ZNF365: variants seen among roughly 807,000 people sequenced by gnomAD.
The protein encoded by ZNF365 is protein ZNF365.
Under a neutral mutation model 35.0 loss-of-function variants are expected in ZNF365, and 22 were observed. That is an observed-to-expected ratio of 0.63 (90% CI 0.45 to 0.90). The LOEUF (loss-of-function observed/expected upper bound fraction) is 0.90, where lower values mean the gene tolerates loss of function less well. Among genes scored for constraint, ZNF365 ranks in the 40% least tolerant of loss-of-function variants. The probability of loss-of-function intolerance (pLI) is 0.00; values close to 1 mark genes in which losing one functional copy is unlikely to be tolerated. For synonymous variants in ZNF365, 188 were observed against 196.2 expected, an observed-to-expected ratio of 0.96 and a Z score of 0.35; for missense variants, 448 against 500.3, an observed-to-expected ratio of 0.90 and a Z score of 1.00.
downstream of ZNF365, among the ~76,000 whole-genome samples, chr10:62,406,370 G>T (rs560218158): frequency 2.0e-5 from 3 of 152,214 alleles, no homozygotes; most frequent in Non-Finnish European, 4.4e-5. Context: ...TTCCTTGTAG[G>T]ACTGATTCTA....
chr10:62,445,074 T>C (rs1464115240), intron 3 of ZNF365, among the ~76,000 whole-genome samples: 1 of 151,684 alleles, frequency 6.6e-6, no homozygotes, highest in Non-Finnish European at 1.5e-5. Flanking sequence ...TGATTTCCAA[T>C]TTCATCCATG....
chr10:62,464,214 T>C (rs1840895037), intron 4 of ZNF365, among the ~76,000 whole-genome samples: 1 of 152,226 alleles, frequency 6.6e-6, no homozygotes, highest in Non-Finnish European at 1.5e-5. Context: ...TCTTCCTGCC[T>C]TGCTAATTCT....
chr10:62,451,439 C>T (rs1259540952), intron 3 of ZNF365, among the ~76,000 whole-genome samples: 1 of 152,034 alleles, frequency 6.6e-6, no homozygotes, highest in African/African-American at 2.4e-5. Flanking sequence ...CCTGGTGTGA[C>T]TTGTTCTGTG....
intron 3 of ZNF365, among the ~76,000 whole-genome samples, chr10:62,432,580 C>T (rs1840350509): frequency 6.6e-6 from 1 of 152,162 alleles, no homozygotes; most frequent in Admixed American, 6.5e-5. Context: ...TTCTAAGCCC[C>T]TTACTTAAAC....
chr10:62,401,153 A>G lies in ZNF365; in HGVS notation c.*1364A>G, dbSNP rs942018373. The G allele has an allele frequency of 1.0e-6, 1 of 955,652 alleles. No individual in the cohort carries two copies. Among genetic ancestry groups the G allele is most frequent in the African/African-American group, 1.8e-5 (1 of 56,582 alleles). 59.2% of individuals were successfully genotyped at this position (955,652 alleles called of 1,614,324 possible). Reference sequence around the variant, plus strand: ...ATACATATATACATATATATAACACATACAAAATATATATGTTAAGTATAT... The same window carrying G: ...ATACATATATACATATATATAACACGTACAAAATATATATGTTAAGTATAT... On this transcript the variant is annotated 3_prime_UTR_variant, in exon 5 of 5. Coordinates refer to ENST00000395254, the MANE Select transcript of ZNF365 (RefSeq NM_014951.3).
Position 62,376,337 on chromosome 10 carries a change from G to A in ZNF365, c.144G>A (p.Glu48=), listed in dbSNP as rs1839327708. 1 of 1,614,076 alleles carries A rather than the reference G, an allele frequency of 6.2e-7. No homozygotes were observed. The highest frequency in any genetic ancestry group is 1.3e-5 in the African/African-American group (1 of 74,912). ...TGTCATCCTTGAGGGCCCATCTGGA[G>A]TTCAGTCACAGCTACGAAGAAAGAA... ...RSLSSLRAHL[E]FSHSYEERTL... Residue 48 remains glutamate, a synonymous_variant, in exon 2 of 5, where the codon GAG becomes GAA. Transcript: ENST00000395254.
At chr10:62,445,395 G>A (rs1840570272) in intron 3 of ZNF365, among the ~76,000 whole-genome samples, 2 of 151,754 alleles carry the variant, frequency 1.3e-5, no homozygotes, top group South Asian at 4.2e-4. Flanking sequence ...CCCACCAACA[G>A]TGTAAAAGTG....
rs1301556563 is a variant in ZNF365, at chr10:62,435,817, C to T, written c.925-23924C>T. Among the ~76,000 whole-genome samples the T allele has an allele frequency of 2.6e-5, 4 of 152,252 alleles. No homozygotes were observed. In the East Asian group the frequency reaches 7.7e-4, roughly 29 times the overall value. On this transcript the variant is annotated intron_variant, in intron 3 of 4. Coordinates refer to the ZNF365 transcript ENST00000395255. Reference sequence around the variant, plus strand: ...TTTCTTTTAAAAACCAGTCTCTTCCCCATAGGCAAAGTGGATAAACAGCCT... The same window carrying T: ...TTTCTTTTAAAAACCAGTCTCTTCCTCATAGGCAAAGTGGATAAACAGCCT...
intron 4 of ZNF365, among the ~76,000 whole-genome samples, chr10:62,474,982 C>T (rs571699407): frequency 4.6e-5 from 7 of 152,310 alleles, no homozygotes; most frequent in East Asian, 1.9e-4. Context: ...ATCAAGTAAG[C>T]GGTTTCCTTT....
At chr10:62,480,254 CAGT>C in exon 5 of ZNF365, 1 of 1,013,494 alleles carries the variant, frequency 9.9e-7, no homozygotes, top group Non-Finnish European at 1.2e-6. Flanking sequence ...GGCAGGTACT[CAGT>C]TGTTAAATAA....
chr10:62,468,962 A>C (rs1438987162), intron 4 of ZNF365, among the ~76,000 whole-genome samples: 1 of 152,252 alleles, frequency 6.6e-6, no homozygotes, highest in Non-Finnish European at 1.5e-5. Flanking sequence ...TCTTTGAAGA[A>C]TTATAAAAGA....
At chr10:62,378,101 C>T (rs1194447730) in intron 2 of ZNF365, among the ~76,000 whole-genome samples, 1 of 152,162 alleles carries the variant, frequency 6.6e-6, no homozygotes, top group East Asian at 1.9e-4. Flanking sequence ...TTGAATCAGC[C>T]TCTGACTTAC....
Position 62,383,572 on chromosome 10 carries a change from C to T in ZNF365, c.744-4824C>T, listed in dbSNP as rs12262704. On this transcript the variant is annotated intron_variant, in intron 2 of 4. Coordinates refer to ENST00000395254, the MANE Select transcript of ZNF365 (RefSeq NM_014951.3). ...GGTTTGTTGATAGTAGATTATAATACATGATAGGATCAACGTGTTGTCACT... is the reference window on the plus strand; with the variant it reads ...GGTTTGTTGATAGTAGATTATAATATATGATAGGATCAACGTGTTGTCACT... 3.2e-3 allele frequency among the ~76,000 whole-genome samples: 481 copies of T among 152,224 alleles called. 4 individuals are homozygous for T. The highest frequency in any genetic ancestry group is 0.011 in the African/African-American group (441 of 41,564).
chr10:62,455,278 CAGGAAAG>C (rs552912725), intron 3 of ZNF365, among the ~76,000 whole-genome samples: 54 of 152,184 alleles, frequency 3.5e-4, no homozygotes, highest in African/African-American at 1.2e-3. Context: ...TGTAATAGCC[CAGGAAAG>C]AGGTCATGAA....
chr10:62,445,793 C>A (rs1366420423), intron 3 of ZNF365, among the ~76,000 whole-genome samples: 2 of 152,190 alleles, frequency 1.3e-5, no homozygotes, highest in Middle Eastern at 3.2e-3. Context: ...AAGTGGAAAT[C>A]TGATATTTGT....
intron 1 of ZNF365, 107 bp from the exon 2 acceptor site, chr10:62,376,074 A>G (rs1457967353): frequency 8.2e-7 from 1 of 1,224,976 alleles, no homozygotes; most frequent in Non-Finnish European, 1.1e-6. Flanking sequence ...TTATGTGCAA[A>G]AGTCACTTGA....
chr10:62,391,693 AT>A (rs1839633116), intron 3 of ZNF365, among the ~76,000 whole-genome samples: 1 of 152,162 alleles, frequency 6.6e-6, no homozygotes, highest in Admixed American at 6.5e-5. Flanking sequence ...TCAATTGCAA[AT>A]TGTCCTGCTG....
intron 2 of ZNF365, among the ~76,000 whole-genome samples, chr10:62,384,094 A>G (rs890230969): frequency 7.0e-6 from 1 of 143,820 alleles, no homozygotes; most frequent in Non-Finnish European, 1.5e-5. Context: ...CCTCTGATTT[A>G]ATAATATTTG....
intron 3 of ZNF365, among the ~76,000 whole-genome samples, chr10:62,407,461 C>A (rs902808534): frequency 6.6e-6 from 1 of 152,168 alleles, no homozygotes; most frequent in African/African-American, 2.4e-5. Context: ...CTAAAGAATG[C>A]GGTTCCCACA....
Sources: allele counts gnomAD v4.1 joint callset (sites outside exome capture counted in the v4.1 genomes callset), GRCh38; gene constraint gnomAD v4.1.1; transcripts MANE v1.5; gene names NCBI Gene and HGNC (gene_info 2026-07-23, HGNC 2026-07-21).